The following CCDC88A variants were observed in gnomAD, a reference collection of about 807,000 sequenced individuals.
CCDC88A encodes the protein girdin.
Under a neutral mutation model 234.3 loss-of-function variants are expected in CCDC88A, and 54 were observed. That is an observed-to-expected ratio of 0.23 (90% CI 0.19 to 0.29). The LOEUF is 0.29. CCDC88A is among the 10% of genes least tolerant of loss of function. CCDC88A has a pLI of 1.00. For missense variants in CCDC88A, 1,832 were observed against 2,123.4 expected, an observed-to-expected ratio of 0.86 and a Z score of 2.70; for synonymous variants, 753 against 737.8, an observed-to-expected ratio of 1.02 and a Z score of -0.33.
chr2:55,383,638 A>G lies in CCDC88A; in HGVS notation c.273+5140T>C, dbSNP rs530553690. Among the ~76,000 whole-genome samples, 208 of 144,626 alleles carry G rather than the reference A, an allele frequency of 1.4e-3. 1 individual carries two copies. The highest frequency in any genetic ancestry group is 4.9e-3 in the African/African-American group (196 of 39,990). 94.9% of individuals were successfully genotyped at this position (144,626 alleles called of 152,430 possible). On this transcript the variant is annotated intron_variant, in intron 3 of 32. Transcript: ENST00000436346. The stretch of plus-strand genomic sequence containing the variant: ...ACTCCGTCTTAAAAAAAAAAAAAAA[A>G]GAAAAGAAATACTAAAATACTAAAT...
At position 55,419,526 on chromosome 2, in the gene CCDC88A, AGACTCGACCTCGGCGTT is replaced by A; in HGVS notation, c.-464_-448del. 4.7e-5 allele frequency: 6 copies of A among 126,734 alleles called. No individual in the cohort carries two copies. Among genetic ancestry groups the A allele is most frequent in the South Asian group, 2.3e-4 (1 of 4,272 alleles). 7.9% of individuals were successfully genotyped at this position (126,734 alleles called of 1,614,324 possible). On this transcript the variant is annotated 5_prime_UTR_variant, in exon 1 of 33. Coordinates refer to ENST00000436346, the MANE Select transcript of CCDC88A (RefSeq NM_001365480.1). ...ACGTTAAGGATACCGAGGCGCCACC[AGACTCGACCTCGGCGTT>A]CCGACCTCTACACGTTCCACCCACC...
intron 18 of CCDC88A, among the ~76,000 whole-genome samples, chr2:55,320,373 AG>A (rs1197377499): frequency 2.0e-5 from 3 of 152,184 alleles, no homozygotes; most frequent in African/African-American, 7.2e-5. Context: ...ATCTTAGAGC[AG>A]GAAAAAATTT....
chr2:55,362,892 A>G (rs986854977), intron 6 of CCDC88A, among the ~76,000 whole-genome samples: 1 of 152,106 alleles, frequency 6.6e-6, no homozygotes, highest in Non-Finnish European at 1.5e-5. Flanking sequence ...TGAAGATGAC[A>G]CTGTCACAGA....
chr2:55,298,288 GAA>G (rs5831350), intron 29 of CCDC88A, among the ~76,000 whole-genome samples: 17 of 150,104 alleles, frequency 1.1e-4, no homozygotes, highest in Admixed American at 3.3e-4. Flanking sequence ...TTTCAAATCA[GAA>G]AAAAAAAAAT....
At chr2:55,379,229 T>G (rs1051040078) in intron 3 of CCDC88A, among the ~76,000 whole-genome samples, 1 of 152,100 alleles carries the variant, frequency 6.6e-6, no homozygotes, top group African/African-American at 2.4e-5. Flanking sequence ...AATTCATCAT[T>G]AAAGTATTAA....
intron 2 of CCDC88A, among the ~76,000 whole-genome samples, chr2:55,403,085 C>T (rs1678987876): frequency 6.6e-6 from 1 of 152,010 alleles, no homozygotes; most frequent in African/African-American, 2.4e-5. Context: ...AGCTGTCAAG[C>T]CCATGTTTTC....
At chr2:55,371,148 A>G (rs1315189904) in intron 5 of CCDC88A, among the ~76,000 whole-genome samples, 1 of 152,172 alleles carries the variant, frequency 6.6e-6, no homozygotes, top group African/African-American at 2.4e-5. Context: ...TCACCAACAC[A>G]GGGTATTTTT....
intron 2 of CCDC88A, among the ~76,000 whole-genome samples, chr2:55,391,634 T>G (rs1026150844): frequency 2.0e-5 from 3 of 152,132 alleles, no homozygotes; most frequent in Admixed American, 1.3e-4. Context: ...AATGAAAAAT[T>G]CACCGCAGGA....
chr2:55,372,272 A>T (rs1672955095), intron 5 of CCDC88A, among the ~76,000 whole-genome samples, 180 bp downstream of exon 5: 1 of 152,206 alleles, frequency 6.6e-6, no homozygotes, highest in South Asian at 2.1e-4. Context: ...TAAATTCTGA[A>T]ATAAAATAAG....
intron 31 of CCDC88A, chr2:55,295,318 T>C: frequency 6.8e-7 from 1 of 1,472,214 alleles, no homozygotes; most frequent in Non-Finnish European, 9.1e-7. Context: ...CTTATGTTAC[T>C]AACTAATTCT....
chr2:55,370,641 CAAAAAAAAAA>C (rs567431857), intron 5 of CCDC88A, among the ~76,000 whole-genome samples: 4,050 of 47,622 alleles, frequency 0.085, 251 homozygotes, highest in African/African-American at 0.23. Context: ...AACTCTGTCT[CAAAAAAAAAA>C]AAAAAAAAAA....
At chr2:55,396,560 G>C (rs1253791708) in intron 2 of CCDC88A, among the ~76,000 whole-genome samples, 1 of 151,938 alleles carries the variant, frequency 6.6e-6, no homozygotes, top group Non-Finnish European at 1.5e-5. Context: ...AGAAAACAAA[G>C]AAAAGTCTGA....
At chr2:55,367,530 T>TTTTTTTTTTTTTTGTTTTG (rs1488707393) in intron 5 of CCDC88A, among the ~76,000 whole-genome samples, 5 of 138,892 alleles carry the variant, frequency 3.6e-5, no homozygotes, top group South Asian at 4.8e-4. Flanking sequence ...ATTTCCTTGT[T>TTTTTTTTTTTTTTGTTTTG]TTTTTTTAAG....
At chr2:55,302,364 A>C (rs1298993099) in intron 26 of CCDC88A, among the ~76,000 whole-genome samples, 1 of 152,212 alleles carries the variant, frequency 6.6e-6, no homozygotes, top group East Asian at 1.9e-4. Context: ...GATGTGCTAA[A>C]ACTTTAATTA....
intron 25 of CCDC88A, among the ~76,000 whole-genome samples, chr2:55,303,603 A>T (rs533986786): frequency 0.071 from 10,810 of 151,964 alleles, 1,216 homozygotes; most frequent in African/African-American, 0.24. Context: ...CTGGTCTCGC[A>T]CTCCCAACCT....
At chr2:55,348,106 C>T (rs1020694171) in intron 9 of CCDC88A, among the ~76,000 whole-genome samples, 5 of 151,990 alleles carry the variant, frequency 3.3e-5, no homozygotes, top group Admixed American at 1.3e-4. Flanking sequence ...GGACTACAGG[C>T]GAGTGCCCCA....
At position 55,298,790 on chromosome 2, in the gene CCDC88A, G is replaced by A. The variant is rs114863775; in HGVS notation, c.4825+1049C>T. 5.1e-3 allele frequency among the ~76,000 whole-genome samples: 762 copies of A among 149,478 alleles called. 8 individuals are homozygous for A. Among genetic ancestry groups the A allele is most frequent in the African/African-American group, 0.017 (709 of 40,690 alleles). On this transcript the variant is annotated intron_variant, in intron 29 of 32. Transcript: ENST00000436346. ...CGTGGGAGGCTGACGTGGTAGGATC[G>A]CTTGAGTCTGGGAGGCAGAAGTTGC...
At chr2:55,389,494 G>A (rs994344342) in intron 2 of CCDC88A, among the ~76,000 whole-genome samples, 5 of 152,150 alleles carry the variant, frequency 3.3e-5, no homozygotes, top group Non-Finnish European at 5.9e-5. Context: ...GGAAAGTCAA[G>A]AAATCGACAC....
At chr2:55,387,339 T>C (rs1389864727) in intron 3 of CCDC88A, among the ~76,000 whole-genome samples, 1 of 152,080 alleles carries the variant, frequency 6.6e-6, no homozygotes, top group Non-Finnish European at 1.5e-5. Flanking sequence ...TCTAAAGTCA[T>C]AGCACTATTC....
Sources: gnomAD v4.1 joint callset for allele counts (sites outside exome capture counted in the v4.1 genomes callset) on GRCh38, gnomAD v4.1.1 for gene constraint, MANE v1.5 for transcripts, NCBI Gene and HGNC (gene_info 2026-07-23, HGNC 2026-07-21) for gene names.